The following ZBTB7C variants were observed in gnomAD, a reference collection of about 807,000 sequenced individuals.
ZBTB7C encodes the protein zinc finger and BTB domain containing 7C.
A neutral mutation model predicts 25.7 loss-of-function variants in ZBTB7C; 8 were observed. The ratio of observed to expected loss-of-function variants is 0.31; its 90% CI spans 0.18 to 0.56. The LOEUF (loss-of-function observed/expected upper bound fraction) is 0.56. ZBTB7C is among the 20% of genes least tolerant of loss of function. The pLI is 0.91. For missense variants in ZBTB7C, 824 were observed against 855.2 expected (o/e 0.96, Z 0.46); for synonymous variants, 394 against 369.0 (o/e 1.07, Z -0.78).
intron 3 of ZBTB7C, among the ~76,000 whole-genome samples, chr18:48,121,744 G>A (rs1387030448): frequency 6.6e-6 from 1 of 152,232 alleles, no homozygotes; most frequent in Admixed American, 6.5e-5. Context: ...TGAGAGGCAG[G>A]TTTCCATCTG....
At chr18:48,175,408 T>C (rs753942163) in intron 3 of ZBTB7C, among the ~76,000 whole-genome samples, 2 of 152,106 alleles carry the variant, frequency 1.3e-5, no homozygotes, top group Non-Finnish European at 2.9e-5. Context: ...CATGTAATTA[T>C]GAGATGGGGA....
intron 2 of ZBTB7C, among the ~76,000 whole-genome samples, chr18:48,253,030 T>C (rs555445333): frequency 6.0e-4 from 92 of 152,108 alleles, no homozygotes; most frequent in African/African-American, 2.1e-3. Flanking sequence ...ACCTATAGAA[T>C]AGAGAGGAGG....
chr18:48,317,608 C>A (rs1404214888), intron 2 of ZBTB7C, among the ~76,000 whole-genome samples: 7 of 152,198 alleles, frequency 4.6e-5, no homozygotes, highest in Non-Finnish European at 1.0e-4. Context: ...ATAGGTTCCT[C>A]CTAGGTGGCT....
At chr18:48,139,842 C>A (rs2144824248) in intron 3 of ZBTB7C, among the ~76,000 whole-genome samples, 1 of 152,288 alleles carries the variant, frequency 6.6e-6, no homozygotes, top group South Asian at 2.1e-4. Flanking sequence ...GCACCAGACT[C>A]CAGATCTGAG....
At chr18:48,161,626 C>A (rs2041037863) in intron 3 of ZBTB7C, among the ~76,000 whole-genome samples, 1 of 152,052 alleles carries the variant, frequency 6.6e-6, no homozygotes, top group African/African-American at 2.4e-5. Context: ...GCCGCTCCGC[C>A]CGGCCACAAG....
At chr18:48,172,719 G>A (rs1358489134) in intron 3 of ZBTB7C, among the ~76,000 whole-genome samples, 1 of 152,266 alleles carries the variant, frequency 6.6e-6, no homozygotes, top group Non-Finnish European at 1.5e-5. Context: ...GCTGGCCCGG[G>A]GCGAAGAGGG....
chr18:48,313,106 A>G (rs959429133), intron 2 of ZBTB7C, among the ~76,000 whole-genome samples: 3 of 152,152 alleles, frequency 2.0e-5, no homozygotes, highest in Non-Finnish European at 4.4e-5. Flanking sequence ...TCGTCTCTTT[A>G]TAAGTGTGAA....
chr18:48,087,981 C>T (rs1303852747), intron 3 of ZBTB7C, among the ~76,000 whole-genome samples: 1 of 152,038 alleles, frequency 6.6e-6, no homozygotes, highest in Non-Finnish European at 1.5e-5. Context: ...AAAACAGTAG[C>T]TTTATATGAA....
intron 3 of ZBTB7C, among the ~76,000 whole-genome samples, chr18:48,052,889 C>T (rs947919928): frequency 6.6e-6 from 1 of 152,162 alleles, no homozygotes. Flanking sequence ...TGAGGTCATG[C>T]ACAGCTCGAC....
chr18:48,383,111 C>T (rs1394474918), intron 1 of ZBTB7C, among the ~76,000 whole-genome samples: 5 of 152,118 alleles, frequency 3.3e-5, no homozygotes, highest in African/African-American at 1.2e-4. Flanking sequence ...CTCAGAAGAC[C>T]ATGAGTCCAA....
chr18:48,135,260 G>T (rs544321708), intron 3 of ZBTB7C, among the ~76,000 whole-genome samples: 1 of 152,258 alleles, frequency 6.6e-6, no homozygotes, highest in Non-Finnish European at 1.5e-5. Flanking sequence ...TTGAATAAAT[G>T]ACTGATTGTT....
At chr18:48,304,291 T>A (rs2045615236) in intron 2 of ZBTB7C, among the ~76,000 whole-genome samples, 1 of 152,240 alleles carries the variant, frequency 6.6e-6, no homozygotes, top group South Asian at 2.1e-4. Flanking sequence ...ATTACTTTAC[T>A]GAGACCAGAG....
intron 3 of ZBTB7C, among the ~76,000 whole-genome samples, chr18:48,099,844 A>G (rs1173416680): frequency 6.6e-6 from 1 of 152,116 alleles, no homozygotes; most frequent in Admixed American, 6.5e-5. Context: ...TCCAAATACC[A>G]TTTCTCACTT....
At chr18:48,350,696 TC>T (rs1313506742) in intron 1 of ZBTB7C, 4 of 152,200 alleles carry the variant, frequency 2.6e-5, no homozygotes, top group African/African-American at 9.6e-5. Flanking sequence ...ACCACCCAGT[TC>T]CCCTCCCTGT....
At chr18:48,361,730 T>C (rs1598955594) in intron 1 of ZBTB7C, among the ~76,000 whole-genome samples, 1 of 152,170 alleles carries the variant, frequency 6.6e-6, no homozygotes, top group South Asian at 2.1e-4. Context: ...GATCAGAATC[T>C]CTGGGGCTAG....
chr18:48,354,636 A>G (rs1310178866), intron 1 of ZBTB7C, among the ~76,000 whole-genome samples: 1 of 152,056 alleles, frequency 6.6e-6, no homozygotes, highest in Non-Finnish European at 1.5e-5. Flanking sequence ...GAACATATCC[A>G]TCTACTAGAC....
At chr18:48,239,240 G>C (rs571119710) in intron 2 of ZBTB7C, among the ~76,000 whole-genome samples, 6 of 152,052 alleles carry the variant, frequency 3.9e-5, no homozygotes, top group Non-Finnish European at 8.8e-5. Flanking sequence ...ACCCTCCCTG[G>C]TAACTGAAGA....
chr18:48,097,243 G>A (rs1428837143), intron 3 of ZBTB7C, among the ~76,000 whole-genome samples: 1 of 152,176 alleles, frequency 6.6e-6, no homozygotes. Flanking sequence ...GATCTTGCGT[G>A]ACCATCTTCC....
chr18:48,044,073 C>A (rs941710015), intron 3 of ZBTB7C, among the ~76,000 whole-genome samples: 5 of 152,210 alleles, frequency 3.3e-5, no homozygotes, highest in African/African-American at 1.2e-4. Flanking sequence ...GGCAGCCCCA[C>A]CAAGGTGCCC....
Sources: allele counts gnomAD v4.1 joint callset (sites outside exome capture counted in the v4.1 genomes callset), GRCh38; gene constraint gnomAD v4.1.1; transcripts MANE v1.5; gene names NCBI Gene and HGNC (gene_info 2026-07-23, HGNC 2026-07-21).